The following CDKAL1 variants were observed in gnomAD, a reference collection of about 807,000 sequenced individuals.
The protein encoded by CDKAL1 is threonylcarbamoyladenosine tRNA methylthiotransferase.
In CDKAL1, 32 loss-of-function variants were observed where a neutral mutation model predicts 68.2. The ratio of observed to expected loss-of-function variants is 0.47; its 90% confidence interval spans 0.35 to 0.63. The LOEUF (loss-of-function observed/expected upper bound fraction) is 0.63. Among genes scored for constraint, CDKAL1 ranks in the 30% least tolerant of loss-of-function variants. The pLI is 0.00. For missense variants in CDKAL1, 606 were observed against 696.7 expected, an observed-to-expected ratio of 0.87 and a Z score of 1.47; for synonymous variants, 234 against 244.3, an observed-to-expected ratio of 0.96 and a Z score of 0.39.
intron 4 of CDKAL1, among the ~76,000 whole-genome samples, chr6:20,628,923 C>T (rs1767551026): frequency 2.0e-5 from 3 of 151,990 alleles, no homozygotes; most frequent in Admixed American, 1.3e-4. Flanking sequence ...CCCCATCATC[C>T]CCAAATACTT....
chr6:21,168,153 A>T (rs1434970760), intron 13 of CDKAL1, among the ~76,000 whole-genome samples: 1 of 152,246 alleles, frequency 6.6e-6, no homozygotes, highest in Non-Finnish European at 1.5e-5. Context: ...GTAGATCAAG[A>T]TAATCAAGTT....
At chr6:20,786,336 T>C (rs936932234) in intron 8 of CDKAL1, among the ~76,000 whole-genome samples, 1 of 152,126 alleles carries the variant, frequency 6.6e-6, no homozygotes, top group Non-Finnish European at 1.5e-5. Flanking sequence ...GGATACGGTG[T>C]GTGTGGATAT....
intron 9 of CDKAL1, among the ~76,000 whole-genome samples, chr6:20,869,687 G>A (rs984774524): frequency 2.0e-5 from 3 of 152,064 alleles, no homozygotes; most frequent in Non-Finnish European, 2.9e-5. Flanking sequence ...AATTTTATAC[G>A]AATGCTTTCA....
At position 20,807,473 on chromosome 6, in the gene CDKAL1, G is replaced by A. The variant is rs974115910; in HGVS notation, c.638+26208G>A. On this transcript the variant is annotated intron_variant, in intron 8 of 15. Transcript: ENST00000274695. Reference sequence around the variant, plus strand: ...CCTGACCTTGTGATCGGCCCACCTCGGCCTCCCAAAGTGCTGGGACTACAG... The same window carrying A: ...CCTGACCTTGTGATCGGCCCACCTCAGCCTCCCAAAGTGCTGGGACTACAG... Among the ~76,000 whole-genome samples the A allele has an allele frequency of 5.3e-5, 8 of 152,174 alleles. No individual in the cohort carries two copies. In the East Asian group the frequency reaches 5.8e-4, roughly 11 times the overall value.
chr6:21,039,130 C>G (rs1001334154), intron 11 of CDKAL1, among the ~76,000 whole-genome samples: 2 of 152,280 alleles, frequency 1.3e-5, no homozygotes, highest in East Asian at 1.9e-4. Context: ...GCAAGCATTA[C>G]TGCCCAAGCT....
intron 9 of CDKAL1, among the ~76,000 whole-genome samples, chr6:20,875,544 G>C (rs1760468672): frequency 6.6e-6 from 1 of 152,088 alleles, no homozygotes; most frequent in African/African-American, 2.4e-5. Flanking sequence ...GATGTGGGGA[G>C]GGGGGTTGGA....
At chr6:20,690,483 A>G (rs1770822069) in intron 5 of CDKAL1, among the ~76,000 whole-genome samples, 2 of 152,302 alleles carry the variant, frequency 1.3e-5, no homozygotes, top group South Asian at 2.1e-4. Flanking sequence ...AGAGATATCC[A>G]TTAGCCTTAC....
intron 4 of CDKAL1, among the ~76,000 whole-genome samples, chr6:20,579,363 C>A (rs1016069545): frequency 4.7e-4 from 72 of 152,220 alleles, no homozygotes; most frequent in African/African-American, 1.5e-3. Flanking sequence ...TGAAAAAAAG[C>A]ATATGTAAAT....
intron 4 of CDKAL1, among the ~76,000 whole-genome samples, chr6:20,617,814 T>C (rs988411306): frequency 6.6e-6 from 1 of 152,194 alleles, no homozygotes; most frequent in Non-Finnish European, 1.5e-5. Context: ...ATCTGGTCTA[T>C]CATTGAAGGA....
intron 5 of CDKAL1, among the ~76,000 whole-genome samples, chr6:20,687,419 T>C (rs190971670): frequency 7.9e-5 from 12 of 152,340 alleles, no homozygotes; most frequent in Admixed American, 4.6e-4. Context: ...TTTCAAGATT[T>C]GGTTCATTTC....
At chr6:20,561,466 A>AAAAAAAAAC (rs1764266357) in intron 4 of CDKAL1, among the ~76,000 whole-genome samples, 1 of 149,848 alleles carries the variant, frequency 6.7e-6, no homozygotes, top group Non-Finnish European at 1.5e-5. Flanking sequence ...AAAAAAAAAA[A>AAAAAAAAAC]AAAAAGAACA....
At chr6:20,928,554 T>G (rs993449457) in intron 9 of CDKAL1, among the ~76,000 whole-genome samples, 10 of 152,200 alleles carry the variant, frequency 6.6e-5, no homozygotes, top group Non-Finnish European at 1.3e-4. Flanking sequence ...TGATCTAAGA[T>G]CTTTATTTTC....
intron 4 of CDKAL1, among the ~76,000 whole-genome samples, chr6:20,583,730 AT>A (rs1443843481): frequency 6.6e-6 from 1 of 151,998 alleles, no homozygotes; most frequent in African/African-American, 2.4e-5. Context: ...TACAATAGAT[AT>A]AATAGATGTA....
At chr6:20,988,179 A>AAT (rs1491537217) in intron 10 of CDKAL1, among the ~76,000 whole-genome samples, 1 of 41,072 alleles carries the variant, frequency 2.4e-5, no homozygotes, top group South Asian at 9.5e-4. Context: ...AAAGAAACAT[A>AAT]ATATGTGTGT....
intron 10 of CDKAL1, among the ~76,000 whole-genome samples, chr6:20,984,817 G>GC (rs947026949): frequency 5.4e-5 from 8 of 148,464 alleles, no homozygotes; most frequent in Non-Finnish European, 7.4e-5. Flanking sequence ...GTAACGGGGG[G>GC]GGGTGGGGAA....
intron 11 of CDKAL1, among the ~76,000 whole-genome samples, chr6:21,034,355 C>T (rs1769458496): frequency 6.6e-6 from 1 of 152,148 alleles, no homozygotes; most frequent in Non-Finnish European, 1.5e-5. Flanking sequence ...GGATCTGTAA[C>T]TTTTATGAGT....
intron 11 of CDKAL1, among the ~76,000 whole-genome samples, chr6:21,009,976 T>C (rs904856168): frequency 6.6e-6 from 1 of 152,184 alleles, no homozygotes; most frequent in African/African-American, 2.4e-5. Flanking sequence ...TATTTCCAAA[T>C]AGCTAGAAGA....
chr6:21,048,307 C>A (rs1390267650), intron 11 of CDKAL1, among the ~76,000 whole-genome samples: 2 of 152,104 alleles, frequency 1.3e-5, no homozygotes, highest in Admixed American at 1.3e-4. Flanking sequence ...AGTTTGCCAA[C>A]CTCTGACCTG....
At chr6:21,061,107 A>G (rs957616537) in intron 11 of CDKAL1, among the ~76,000 whole-genome samples, 1 of 152,174 alleles carries the variant, frequency 6.6e-6, no homozygotes, top group Non-Finnish European at 1.5e-5. Context: ...AACTTTTAAA[A>G]TATTTATGGC....
Sources: gnomAD v4.1 joint callset for allele counts (sites outside exome capture counted in the v4.1 genomes callset) on GRCh38, gnomAD v4.1.1 for gene constraint, MANE v1.5 for transcripts, NCBI Gene and HGNC (gene_info 2026-07-23, HGNC 2026-07-21) for gene names.